Variants in WDR27 observed in about 807,000 individuals in gnomAD.
The protein encoded by WDR27 is WD repeat-containing protein 27.
WDR27 carries 100 observed loss-of-function variants against 114.4 expected under a neutral mutation model. That is an observed-to-expected ratio of 0.87 (90% confidence interval 0.74 to 1.03). WDR27 has a LOEUF of 1.03. WDR27 is among the 50% of genes least tolerant of loss of function. The pLI is 0.00. For missense variants in WDR27, 1,129 were observed against 1,092.9 expected, an observed-to-expected ratio of 1.03 and a Z score of -0.47; for synonymous variants, 449 against 423.1, an observed-to-expected ratio of 1.06 and a Z score of -0.75.
At position 169,583,512 on chromosome 6, in the gene WDR27, TACACACAC is replaced by T. The variant is rs145440232; in HGVS notation, c.2425-586_2425-579del. Among the ~76,000 whole-genome samples, 3 of 38,858 alleles carry T rather than the reference TACACACAC, an allele frequency of 7.7e-5. 1 individual carries two copies. Among genetic ancestry groups the T allele is most frequent in the South Asian group, 1.7e-3 (2 of 1,190 alleles). 25.5% of individuals were successfully genotyped at this position (38,858 alleles called of 152,430 possible). On this transcript the variant is annotated intron_variant, in intron 23 of 25. Transcript: ENST00000448612. ...ACATATATATATATATATGTATATATACACACACACACACACACACACACACACATAAA... is the reference window on the plus strand; with the variant it reads ...ACATATATATATATATATGTATATATACACACACACACACACACACATAAA...
At chr6:169,605,738 C>A (rs185439361) in intron 22 of WDR27, among the ~76,000 whole-genome samples, 2 of 152,174 alleles carry the variant, frequency 1.3e-5, no homozygotes, top group East Asian at 3.9e-4. Flanking sequence ...ACCAAAACAA[C>A]ATGGTACTGG....
At chr6:169,441,643 A>G in the WDR27 span, among the ~76,000 whole-genome samples, 1 of 152,204 alleles carries the variant, frequency 6.6e-6, no homozygotes, top group Non-Finnish European at 1.5e-5. Context: ...TGTGACTCCA[A>G]GACTAGTGTT....
chr6:169,682,116 C>T (rs907053612), intron 2 of WDR27, among the ~76,000 whole-genome samples: 2 of 152,108 alleles, frequency 1.3e-5, no homozygotes, highest in African/African-American at 2.4e-5. Context: ...ATCTCAGCTC[C>T]AGCCCATCCT....
intron 25 of WDR27, among the ~76,000 whole-genome samples, chr6:169,517,168 T>C (rs1793778067): frequency 6.6e-6 from 1 of 152,074 alleles, no homozygotes; most frequent in Admixed American, 6.6e-5. Flanking sequence ...TGTGTGGCAC[T>C]TCCCCACCAC....
At chr6:169,575,978 T>C (rs1472680638) in intron 24 of WDR27, among the ~76,000 whole-genome samples, 2 of 152,254 alleles carry the variant, frequency 1.3e-5, no homozygotes, top group Non-Finnish European at 2.9e-5. Flanking sequence ...CCATCTGCCA[T>C]GCGTTCCTGA....
chr6:169,566,156 G>C (rs913698735), intron 25 of WDR27, among the ~76,000 whole-genome samples: 1 of 117,500 alleles, frequency 8.5e-6, no homozygotes, highest in African/African-American at 2.6e-5. Context: ...ATTGTTACTC[G>C]TTAGAAGAAA....
chr6:169,495,047 G>A (rs1488444430), intron 25 of WDR27, among the ~76,000 whole-genome samples: 1 of 152,132 alleles, frequency 6.6e-6, no homozygotes, highest in East Asian at 1.9e-4. Flanking sequence ...AGTGAATCTT[G>A]TAAATTATAA....
At chr6:169,665,170 G>T in intron 7 of WDR27, 1 of 1,087,136 alleles carries the variant, frequency 9.2e-7, no homozygotes, top group Non-Finnish European at 1.1e-6. Context: ...TGGGAGCGGG[G>T]GACGTCTGCT....
intron 2 of WDR27, among the ~76,000 whole-genome samples, chr6:169,672,653 T>C (rs1779037158): frequency 6.6e-6 from 1 of 152,224 alleles, no homozygotes; most frequent in Admixed American, 6.5e-5. Flanking sequence ...CATTTATCAC[T>C]TATTAGTTAA....
intron 25 of WDR27, among the ~76,000 whole-genome samples, chr6:169,482,680 C>T (rs563818091): frequency 3.3e-5 from 5 of 152,264 alleles, no homozygotes; most frequent in East Asian, 1.9e-4. Flanking sequence ...CTAGACCAAA[C>T]GGACCTGATA....
At chr6:169,502,574 T>C (rs775595010) in intron 25 of WDR27, among the ~76,000 whole-genome samples, 7 of 152,174 alleles carry the variant, frequency 4.6e-5, no homozygotes, top group Non-Finnish European at 1.0e-4. Context: ...TCCATTTCCG[T>C]GTCTTTCCCA....
At position 169,658,156 on chromosome 6, in the gene WDR27, TGGAA is replaced by T. The variant is rs1824792225; in HGVS notation, c.1402+116_1402+119del. 3.9e-6 allele frequency: 3 copies of T among 779,206 alleles called. No individual in the cohort carries two copies. The Admixed American group carries it at 6.2e-5, about 16-fold the overall frequency. 48.3% of individuals were successfully genotyped at this position (779,206 alleles called of 1,614,324 possible). ...GGCAGAGACATGAAGGACAGAAGGA[TGGAA>T]GGAAGTACGGAATGCATATTTTAAC... On this transcript the variant is annotated intron_variant, in intron 13 of 25. Transcript: ENST00000448612.
intron 23 of WDR27, among the ~76,000 whole-genome samples, chr6:169,586,847 C>CAAAAAAAAAAAAAAAAAAAAAAAAAA (rs3029697): frequency 3.1e-5 from 1 of 32,058 alleles, no homozygotes; most frequent in African/African-American, 1.2e-4. Flanking sequence ...GACTCTGTCT[C>CAAAAAAAAAAAAAAAAAAAAAAAAAA]AAAAAAAAAA....
chr6:169,538,803 AT>A (rs11295993), intron 25 of WDR27, among the ~76,000 whole-genome samples: 16,803 of 151,870 alleles, frequency 0.11, 1,919 homozygotes, highest in East Asian at 0.58. Flanking sequence ...TAATATGAAG[AT>A]TTTTTGTTCT....
chr6:169,559,575 G>C (rs1584216428), intron 25 of WDR27: 1 of 152,248 alleles, frequency 6.6e-6, no homozygotes. Context: ...AAACTTTTTT[G>C]AAATGTTGAT....
chr6:169,552,973 GGTGTGTGTGTGTGTGTGTGTGT>G (rs3975497), intron 25 of WDR27, among the ~76,000 whole-genome samples: 12 of 61,794 alleles, frequency 1.9e-4, no homozygotes, highest in South Asian at 9.8e-4. Context: ...GGGCCTGCCC[GGTGTGTGTGTGTGTGTGTGTGT>G]GTGTGTGTGT....
At chr6:169,546,927 AG>A (rs973710623) in intron 25 of WDR27, among the ~76,000 whole-genome samples, 14 of 152,096 alleles carry the variant, frequency 9.2e-5, no homozygotes, top group African/African-American at 3.4e-4. Context: ...CACAAGTGAA[AG>A]TGGGGAGATA....
At chr6:169,474,579 A>T (rs1204943566) in intron 25 of WDR27, among the ~76,000 whole-genome samples, 1 of 152,178 alleles carries the variant, frequency 6.6e-6, no homozygotes, top group Non-Finnish European at 1.5e-5. Flanking sequence ...TAAAGAAATC[A>T]TCCAGAGTGT....
At chr6:169,616,197 CAAG>C (rs1251881438) in intron 21 of WDR27, among the ~76,000 whole-genome samples, 1 of 152,030 alleles carries the variant, frequency 6.6e-6, no homozygotes, top group Non-Finnish European at 1.5e-5. Flanking sequence ...AATAGAATTA[CAAG>C]AAGAAACTAG....
Sources: allele counts gnomAD v4.1 joint callset (sites outside exome capture counted in the v4.1 genomes callset), GRCh38; gene constraint gnomAD v4.1.1; transcripts MANE v1.5; gene names NCBI Gene and HGNC (gene_info 2026-07-23, HGNC 2026-07-21).